NUCB2: variants seen among roughly 807,000 people sequenced by gnomAD.
NUCB2 encodes the protein nucleobindin 2.
In NUCB2, 48 loss-of-function variants were observed where a neutral mutation model predicts 57.9. The ratio of observed to expected loss-of-function variants is 0.83; its 90% CI spans 0.66 to 1.05. The LOEUF (loss-of-function observed/expected upper bound fraction) is 1.05. NUCB2 is among the 50% of genes least tolerant of loss of function. NUCB2 has a pLI of 0.00. For synonymous variants in NUCB2, 139 were observed against 152.1 expected, an observed-to-expected ratio of 0.91 and a Z score of 0.64; for missense variants, 442 against 476.2, an observed-to-expected ratio of 0.93 and a Z score of 0.67.
chr11:17,310,794 T>G, intron 6 of NUCB2, 31 bp from the exon 7 acceptor site: 1 of 1,520,042 alleles, frequency 6.6e-7, no homozygotes, highest in East Asian at 2.3e-5. Context: ...TGAATGTTTT[T>G]ATTTAACTTA....
intron 2 of NUCB2, among the ~76,000 whole-genome samples, chr11:17,342,830 T>C (rs1339852621): frequency 9.8e-4 from 149 of 152,132 alleles, no homozygotes; most frequent in Admixed American, 3.9e-3. Context: ...CTATTAGGTC[T>C]GCTTGGTGCA....
At chr11:17,323,703 G>A (rs1032910825) in intron 11 of NUCB2, among the ~76,000 whole-genome samples, 1 of 152,034 alleles carries the variant, frequency 6.6e-6, no homozygotes, top group Non-Finnish European at 1.5e-5. Context: ...TGGGTCCTGG[G>A]CATTTTTTTG....
chr11:17,335,605 G>A (rs1951740039), downstream of NUCB2, among the ~76,000 whole-genome samples: 1 of 152,196 alleles, frequency 6.6e-6, no homozygotes, highest in Non-Finnish European at 1.5e-5. Context: ...AGGTTCAAGC[G>A]ATTCTCCGGC....
chr11:17,346,239 T>C (rs1952727599), intron 2 of NUCB2, among the ~76,000 whole-genome samples: 1 of 152,174 alleles, frequency 6.6e-6, no homozygotes, highest in Non-Finnish European at 1.5e-5. Context: ...CTTCCAGTGA[T>C]AGCATTGAAG....
At chr11:17,321,115 CTT>C (rs923723185) in intron 11 of NUCB2, among the ~76,000 whole-genome samples, 8 of 151,922 alleles carry the variant, frequency 5.3e-5, no homozygotes, top group African/African-American at 1.9e-4. Context: ...CAATTATACT[CTT>C]TTAGTTATTT....
intron 4 of NUCB2, among the ~76,000 whole-genome samples, chr11:17,297,228 T>C (rs1945962557): frequency 6.6e-6 from 1 of 152,054 alleles, no homozygotes; most frequent in Non-Finnish European, 1.5e-5. Flanking sequence ...AGTTTTACTT[T>C]CTTAAAAAAT....
rs1006396194 is a variant in NUCB2 at position 17,330,111 on chromosome 11, A to T, written c.1003-16A>T. On this transcript the variant is annotated splice_polypyrimidine_tract_variant and intron_variant, in intron 11 of 13. Coordinates refer to ENST00000529010, the MANE Select transcript of NUCB2 (RefSeq NM_005013.4). The surrounding 1 kb of genome is among the most constrained non-coding windows in gnomAD (Gnocchi z 4.3). ...GTAGTTTTGAGATTATTCTTTCCTC[A>T]TTTTTTTTCTTTTAGACATTAGATC... The T allele has an allele frequency of 3.7e-6, 5 of 1,344,986 alleles. No individual in the cohort carries two copies. Among genetic ancestry groups the T allele is most frequent in the African/African-American group, 1.4e-5 (1 of 69,626 alleles). The allele number at this position is 1,344,986 out of a possible 1,614,324, so 83.3% of individuals were successfully genotyped here.
At chr11:17,310,764 C>G in intron 6 of NUCB2, 61 bp from the exon 7 acceptor site, 1 of 1,365,830 alleles carries the variant, frequency 7.3e-7, no homozygotes, top group Non-Finnish European at 1.0e-6. Context: ...TCAAGAATGG[C>G]TTTATTTACA....
chr11:17,282,140 T>G (rs1942705541), intron 1 of NUCB2, among the ~76,000 whole-genome samples: 1 of 151,308 alleles, frequency 6.6e-6, no homozygotes, highest in Non-Finnish European at 1.5e-5. Context: ...GAATTCCTCC[T>G]AGTTATTCAA....
At chr11:17,342,362 A>T (rs1419537615) in intron 2 of NUCB2, among the ~76,000 whole-genome samples, 1 of 151,946 alleles carries the variant, frequency 6.6e-6, no homozygotes, top group Non-Finnish European at 1.5e-5. Flanking sequence ...TAGCTTTTGA[A>T]TGTGTTTGCT....
downstream of NUCB2, among the ~76,000 whole-genome samples, chr11:17,335,869 A>T (rs927588328): frequency 2.0e-5 from 3 of 152,186 alleles, no homozygotes; most frequent in African/African-American, 7.2e-5. Context: ...CTGTGTTTAT[A>T]CCATTCTTCT....
intron 5 of NUCB2, among the ~76,000 whole-genome samples, chr11:17,306,422 C>T (rs565404394): frequency 2.8e-4 from 42 of 152,282 alleles, no homozygotes; most frequent in African/African-American, 1.0e-3. Context: ...AAATACTCAT[C>T]ATCCTGAAAT....
chr11:17,311,972 C>T, intron 9 of NUCB2, 42 bp downstream of exon 9: 1 of 1,541,502 alleles, frequency 6.5e-7, no homozygotes, highest in Non-Finnish European at 8.8e-7. Flanking sequence ...TGTTCTCTCT[C>T]TTTTTTTCCT....
chr11:17,328,906 G>T lies in NUCB2; in HGVS notation c.1003-1221G>T, dbSNP rs1194550892. The stretch of plus-strand genomic sequence containing the variant: ...TAGCCACTACAGCTGGGAATGTGCT[G>T]GGTCACCCCGAAGCCAGCATGTCTC... On this transcript the variant is annotated intron_variant, in intron 11 of 13. Transcript: ENST00000529010. 3.9e-5 allele frequency among the ~76,000 whole-genome samples: 6 copies of T among 152,262 alleles called. No homozygotes were observed. In the South Asian group the frequency reaches 1.2e-3, roughly 32 times the overall value.
chr11:17,339,617 C>T (rs1417233695), intron 2 of NUCB2, among the ~76,000 whole-genome samples: 1 of 150,178 alleles, frequency 6.7e-6, no homozygotes, highest in East Asian at 2.0e-4. Context: ...GTTTTTTGTC[C>T]TTGCGATAGT....
At chr11:17,314,701 C>T (rs1948992122) in intron 10 of NUCB2, among the ~76,000 whole-genome samples, 1 of 152,196 alleles carries the variant, frequency 6.6e-6, no homozygotes, top group Non-Finnish European at 1.5e-5. Flanking sequence ...CTGATATAGG[C>T]ATCATATGCA....
rs554550099 is a variant in NUCB2, at chr11:17,330,670, T to A, written c.1174-232T>A. On this transcript the variant is annotated intron_variant, in intron 12 of 13. Coordinates refer to ENST00000529010, the MANE Select transcript of NUCB2 (RefSeq NM_005013.4). This position sits in a 1 kb window ranked among gnomAD's most constrained non-coding sequence, Gnocchi z 4.3. ...TTTTTGTAGAGACCAGGTCTCATTG[T>A]GTTGCCGAGGCTGGTCTCGAACTCC... Among the ~76,000 whole-genome samples the A allele has an allele frequency of 5.5e-4, 84 of 152,302 alleles. No homozygotes were observed. Among genetic ancestry groups the A allele is most frequent in the African/African-American group, 1.9e-3 (81 of 41,582 alleles).
At chr11:17,338,494 T>TA (rs1951985689) in intron 2 of NUCB2, among the ~76,000 whole-genome samples, 1 of 152,178 alleles carries the variant, frequency 6.6e-6, no homozygotes, top group Admixed American at 6.5e-5. Context: ...GTTAATAGTT[T>TA]AAGTTTTGCT....
At chr11:17,317,974 CTT>C (rs35264082) in intron 11 of NUCB2, among the ~76,000 whole-genome samples, 4 of 109,906 alleles carry the variant, frequency 3.6e-5, no homozygotes, top group Admixed American at 1.0e-4. Context: ...AAGAAGTCAG[CTT>C]TTTTTTTTTT....
Sources: allele counts gnomAD v4.1 joint callset (sites outside exome capture counted in the v4.1 genomes callset), GRCh38; gene constraint gnomAD v4.1.1; non-coding constraint Gnocchi (gnomAD v3.1); transcripts MANE v1.5; gene names NCBI Gene and HGNC (gene_info 2026-07-23, HGNC 2026-07-21).